CFAP300: variants seen among roughly 807,000 people sequenced by gnomAD.
The protein encoded by CFAP300 is cilia- and flagella-associated protein 300.
A neutral mutation model predicts 33.0 loss-of-function variants in CFAP300; 32 were observed. The observed-to-expected ratio is 0.97, with a 90% confidence interval of 0.73 to 1.30. CFAP300 has a LOEUF of 1.30. Among genes scored for constraint, CFAP300 ranks in the 50% most tolerant of loss-of-function variants. CFAP300 has a pLI of 0.00. For synonymous variants in CFAP300, 102 were observed against 106.8 expected (o/e 0.95, Z 0.28); for missense variants, 356 against 318.1 (o/e 1.12, Z -0.90).
intron 3 of CFAP300, among the ~76,000 whole-genome samples, chr11:102,064,132 G>A (rs1942189795): frequency 6.6e-6 from 1 of 152,094 alleles, no homozygotes; most frequent in African/African-American, 2.4e-5. Context: ...TATGAATTTT[G>A]AAGAGATAGA....
chr11:102,077,114 G>C (rs138691265), intron 5 of CFAP300, among the ~76,000 whole-genome samples: 96 of 151,870 alleles, frequency 6.3e-4, no homozygotes, highest in African/African-American at 2.2e-3. Context: ...ACTCATGCAC[G>C]TACACACATA....
intron 4 of CFAP300, among the ~76,000 whole-genome samples, chr11:102,072,911 G>T (rs1409169369): frequency 6.6e-6 from 1 of 152,164 alleles, no homozygotes; most frequent in East Asian, 1.9e-4. Flanking sequence ...TGGCATCACT[G>T]GTGTCTGTGT....
chr11:102,051,585 C>A (rs777531469), intron 2 of CFAP300, among the ~76,000 whole-genome samples: 4 of 152,006 alleles, frequency 2.6e-5, no homozygotes, highest in Non-Finnish European at 5.9e-5. Flanking sequence ...ATAATATAGT[C>A]AAATATATAC....
intron 3 of CFAP300, among the ~76,000 whole-genome samples, chr11:102,063,505 T>C (rs1942181536): frequency 6.6e-6 from 1 of 152,244 alleles, no homozygotes; most frequent in African/African-American, 2.4e-5. Flanking sequence ...GAAGAAACTT[T>C]GGACTTTAGA....
rs951209392 is a variant in CFAP300, at chr11:102,080,493, T to A, written c.609-722T>A. Among the ~76,000 whole-genome samples, 10 of 152,176 alleles carry A rather than the reference T, an allele frequency of 6.6e-5. No individual in the cohort carries two copies. In the East Asian group the frequency reaches 1.4e-3, roughly 21 times the overall value. On this transcript the variant is annotated intron_variant, in intron 5 of 6. Coordinates refer to ENST00000434758, the MANE Select transcript of CFAP300 (RefSeq NM_032930.3). ...AGTGCAATGGTGCAATCTTGGCTCA[T>A]CGCAACCTCCGCCTCCCAGGTTCAA...
In CFAP300 at chr11:102,058,869, T is replaced by G; in HGVS notation, c.193-11T>G. ...AATATCTAACTTATTCCCCTCAAATTTGTATTTTAGGCTTTTTTCAAAGAC... is the reference window on the plus strand; with the variant it reads ...AATATCTAACTTATTCCCCTCAAATGTGTATTTTAGGCTTTTTTCAAAGAC... On this transcript the variant is annotated splice_polypyrimidine_tract_variant and intron_variant, in intron 2 of 6. Coordinates refer to ENST00000434758, the MANE Select transcript of CFAP300 (RefSeq NM_032930.3). 1 of 1,510,238 alleles carries G rather than the reference T, an allele frequency of 6.6e-7. No individual in the cohort carries two copies. 93.6% of individuals were successfully genotyped at this position (1,510,238 alleles called of 1,614,324 possible).
intron 6 of CFAP300, 106 bp from the exon 7 acceptor site, chr11:102,082,965 C>G (rs1030803469): frequency 1.3e-5 from 7 of 534,174 alleles, no homozygotes; most frequent in Non-Finnish European, 1.2e-5. Flanking sequence ...CCACTGCACT[C>G]CAGCCTGGGC....
At chr11:102,076,975 A>T (rs571476470) in intron 5 of CFAP300, among the ~76,000 whole-genome samples, 56 of 152,322 alleles carry the variant, frequency 3.7e-4, no homozygotes, top group African/African-American at 1.3e-3. Flanking sequence ...AAAAGCATAC[A>T]CATACCTATT....
rs929587040 is a variant in CFAP300 at position 102,053,806 on chromosome 11, G to T, written c.193-5074G>T. ...AAGATCTAGATCGATTTTAGATCAA[G>T]ATTAAAATTCTTCACTTGACTGCAA... On this transcript the variant is annotated intron_variant, in intron 2 of 6. Transcript: ENST00000434758. Among the ~76,000 whole-genome samples the T allele has an allele frequency of 3.3e-5, 5 of 152,200 alleles. No homozygotes were observed. In the South Asian group the frequency reaches 1.0e-3, roughly 32 times the overall value.
chr11:102,056,620 G>T (rs1942060714), intron 2 of CFAP300, among the ~76,000 whole-genome samples: 1 of 151,650 alleles, frequency 6.6e-6, no homozygotes, highest in Admixed American at 6.6e-5. Context: ...TGTTTTTTGG[G>T]TTTTTTGTTT....
intron 4 of CFAP300, among the ~76,000 whole-genome samples, chr11:102,069,329 G>GTAGTGAGTA (rs1942275151): frequency 6.6e-6 from 1 of 152,150 alleles, no homozygotes; most frequent in Non-Finnish European, 1.5e-5. Flanking sequence ...AGATTGTATT[G>GTAGTGAGTA]CCTCACTGTA....
intron 1 of CFAP300, 61 bp from the exon 2 acceptor site, chr11:102,047,754 A>G: frequency 6.3e-7 from 1 of 1,580,796 alleles, no homozygotes; most frequent in African/African-American, 1.3e-5. Context: ...GGGATCGGTT[A>G]TCGGTGCGCT....
At chr11:102,075,081 A>C (rs1387549801) in intron 4 of CFAP300, among the ~76,000 whole-genome samples, 1 of 152,194 alleles carries the variant, frequency 6.6e-6, no homozygotes, top group African/African-American at 2.4e-5. Context: ...CACCAGCCTG[A>C]GCAACATAGT....
chr11:102,059,960 C>A (rs1483353636), intron 3 of CFAP300, among the ~76,000 whole-genome samples: 1 of 151,594 alleles, frequency 6.6e-6, no homozygotes, highest in African/African-American at 2.4e-5. Context: ...TAATTCCTGG[C>A]TAATTTTTGG....
chr11:102,079,180 A>T (rs1942440298), intron 5 of CFAP300, among the ~76,000 whole-genome samples: 2 of 152,356 alleles, frequency 1.3e-5, no homozygotes, highest in African/African-American at 2.4e-5. Flanking sequence ...AAATATACAT[A>T]CAATTTGGTG....
intron 5 of CFAP300, among the ~76,000 whole-genome samples, chr11:102,080,101 G>A (rs893016013): frequency 2.0e-5 from 3 of 151,920 alleles, no homozygotes; most frequent in African/African-American, 7.3e-5. Context: ...GGGCAATATA[G>A]CAAGACTTTG....
intron 2 of CFAP300, among the ~76,000 whole-genome samples, chr11:102,051,637 G>C (rs996180381): frequency 7.9e-5 from 12 of 152,244 alleles, no homozygotes; most frequent in African/African-American, 2.2e-4. Context: ...ATGCATGCTG[G>C]ATGTAAAAAT....
chr11:102,075,416 T>C (rs893516958), intron 4 of CFAP300, among the ~76,000 whole-genome samples: 3 of 152,068 alleles, frequency 2.0e-5, no homozygotes, highest in Admixed American at 6.6e-5. Context: ...AAAGGAGTAC[T>C]TGTGGGAGTA....
intron 5 of CFAP300, 100 bp from the exon 6 acceptor site, chr11:102,081,115 T>C (rs966794000): frequency 1.2e-6 from 1 of 862,022 alleles, no homozygotes; most frequent in Non-Finnish European, 1.7e-6. Flanking sequence ...TTCCATGTTC[T>C]ATATGAATAA....
Sources: allele counts gnomAD v4.1 joint callset (sites outside exome capture counted in the v4.1 genomes callset), GRCh38; gene constraint gnomAD v4.1.1; transcripts MANE v1.5; gene names NCBI Gene and HGNC (gene_info 2026-07-23, HGNC 2026-07-21).